Variants in KCNJ6 observed in about 807,000 individuals in gnomAD.
The protein encoded by KCNJ6 is potassium inwardly rectifying channel subfamily J member 6, also known as G protein-activated inward rectifier potassium channel 2.
A neutral mutation model predicts 34.2 loss-of-function variants in KCNJ6; 9 were observed. That is an observed-to-expected ratio of 0.26 (90% confidence interval 0.16 to 0.46). The LOEUF (loss-of-function observed/expected upper bound fraction) is 0.46. Ranked by LOEUF, KCNJ6 falls within the 20% of genes least tolerant of loss-of-function variation. The probability of loss-of-function intolerance (pLI) is 1.00; values close to 1 mark genes in which losing one functional copy is unlikely to be tolerated. For missense variants in KCNJ6, 236 were observed against 531.3 expected (o/e 0.44, Z 5.46); for synonymous variants, 196 against 207.1 (o/e 0.95, Z 0.46).
At chr21:37,818,312 C>T (rs1296695614) in intron 2 of KCNJ6, among the ~76,000 whole-genome samples, 1 of 151,904 alleles carries the variant, frequency 6.6e-6, no homozygotes, top group East Asian at 1.9e-4. Flanking sequence ...AAAACATCTC[C>T]ATGGAAACCA....
intron 2 of KCNJ6, among the ~76,000 whole-genome samples, chr21:37,817,514 T>C (rs189861451): frequency 1.3e-4 from 20 of 152,258 alleles, no homozygotes; most frequent in African/African-American, 4.8e-4. Context: ...AGCTAATGAA[T>C]GGTAGTGTTG....
chr21:37,788,980 G>A (rs548084753), intron 2 of KCNJ6, among the ~76,000 whole-genome samples: 12 of 152,256 alleles, frequency 7.9e-5, no homozygotes, highest in East Asian at 5.8e-4. Context: ...AGTCATCATC[G>A]AAAAGATTGA....
rs1212838486 is a variant in KCNJ6, at chr21:37,616,312, C to T, written c.*8847G>A. 6.6e-6 allele frequency: 1 copy of T among 151,980 alleles called. No individual in the cohort carries two copies. Among genetic ancestry groups the T allele is most frequent in the Non-Finnish European group, 1.5e-5 (1 of 68,034 alleles). The allele number at this position is 151,980 out of a possible 1,614,324, so 9.4% of individuals were successfully genotyped here. ...CTTGGGGAGTCAATCATTTTGGAAT[C>T]CTATGAACTTGTGAGTTCACTGTTG... On this transcript the variant is annotated 3_prime_UTR_variant, in exon 4 of 4. Coordinates refer to ENST00000609713, the MANE Select transcript of KCNJ6 (RefSeq NM_002240.5).
At chr21:37,866,844 T>C (rs896257168) in intron 1 of KCNJ6, among the ~76,000 whole-genome samples, 3 of 152,156 alleles carry the variant, frequency 2.0e-5, no homozygotes, top group African/African-American at 7.2e-5. Flanking sequence ...GCAATGAAGA[T>C]TACTGGATGT....
chr21:37,697,060 G>A (rs1186694563), intron 3 of KCNJ6, among the ~76,000 whole-genome samples: 1 of 152,192 alleles, frequency 6.6e-6, no homozygotes, highest in Non-Finnish European at 1.5e-5. Context: ...ATCTTGACAG[G>A]CTCCCTAAAT....
At chr21:37,688,605 G>A (rs774992177) in intron 3 of KCNJ6, among the ~76,000 whole-genome samples, 3 of 152,036 alleles carry the variant, frequency 2.0e-5, no homozygotes, top group Non-Finnish European at 4.4e-5. Context: ...CCTAACCTTC[G>A]TTTTTCAGCT....
intron 3 of KCNJ6, among the ~76,000 whole-genome samples, chr21:37,708,997 A>C (rs1396541208): frequency 6.6e-6 from 1 of 152,214 alleles, no homozygotes; most frequent in East Asian, 1.9e-4. Context: ...ATGTTCTTCC[A>C]GGGGTATTTT....
chr21:37,718,946 G>A (rs931050023), intron 2 of KCNJ6, among the ~76,000 whole-genome samples: 6 of 152,214 alleles, frequency 3.9e-5, no homozygotes, highest in Admixed American at 1.3e-4. Context: ...AGGTGAGGCC[G>A]TGGGTGCAGG....
At chr21:37,890,511 C>T (rs2055757062) in intron 1 of KCNJ6, among the ~76,000 whole-genome samples, 1 of 152,188 alleles carries the variant, frequency 6.6e-6, no homozygotes, top group South Asian at 2.1e-4. Flanking sequence ...ACATAAAAGA[C>T]TTCTGCTTTC....
chr21:37,839,215 T>A (rs929909500), intron 2 of KCNJ6, among the ~76,000 whole-genome samples: 2 of 152,142 alleles, frequency 1.3e-5, no homozygotes, highest in African/African-American at 4.8e-5. Context: ...ACATTTTCAG[T>A]TTGCAAGACT....
intron 3 of KCNJ6, among the ~76,000 whole-genome samples, chr21:37,667,243 G>A (rs529457818): frequency 4.0e-4 from 58 of 145,000 alleles, no homozygotes; most frequent in Admixed American, 2.9e-3. Flanking sequence ...AACAAGGGCC[G>A]ATGAGTGTGA....
chr21:37,838,016 G>A (rs993956127), intron 2 of KCNJ6, among the ~76,000 whole-genome samples: 3 of 152,158 alleles, frequency 2.0e-5, no homozygotes, highest in Non-Finnish European at 4.4e-5. Flanking sequence ...AATAAACTCG[G>A]ACATTGGGTA....
chr21:37,780,159 A>T (rs1601467796), intron 2 of KCNJ6, among the ~76,000 whole-genome samples: 1 of 151,980 alleles, frequency 6.6e-6, no homozygotes, highest in Non-Finnish European at 1.5e-5. Context: ...CCACAGAAAG[A>T]CCTGGAGGAG....
chr21:37,690,126 T>C (rs753788107), intron 3 of KCNJ6, among the ~76,000 whole-genome samples: 1 of 152,226 alleles, frequency 6.6e-6, no homozygotes, highest in Non-Finnish European at 1.5e-5. Context: ...ACATATGATA[T>C]AATTATTTCA....
In KCNJ6 at chr21:37,695,292, C is replaced by G. The variant is rs1439486257; in HGVS notation, c.946+18919G>C. The stretch of plus-strand genomic sequence containing the variant: ...CCATAAAAGGAAATCAATGGCTAAG[C>G]AAAAGTCCAACTATTCTTAGTGCTG... On this transcript the variant is annotated intron_variant, in intron 3 of 3. Coordinates refer to ENST00000609713, the MANE Select transcript of KCNJ6 (RefSeq NM_002240.5). The surrounding 1 kb of genome is among the most constrained non-coding windows in gnomAD (Gnocchi z 4.2). 6.6e-6 allele frequency among the ~76,000 whole-genome samples: 1 copy of G among 152,192 alleles called. No homozygotes were observed. The highest frequency in any genetic ancestry group is 1.5e-5 in the Non-Finnish European group (1 of 68,036).
intron 2 of KCNJ6, among the ~76,000 whole-genome samples, chr21:37,723,267 A>C (rs2054836176): frequency 6.6e-6 from 1 of 152,206 alleles, no homozygotes; most frequent in South Asian, 2.1e-4. Flanking sequence ...TTAAAAAGTC[A>C]AAAAACAACA....
At chr21:37,723,905 A>C (rs1274169099) in intron 2 of KCNJ6, among the ~76,000 whole-genome samples, 1 of 152,156 alleles carries the variant, frequency 6.6e-6, no homozygotes, top group Non-Finnish European at 1.5e-5. Flanking sequence ...CCTTGAATCT[A>C]AAATACAAAT....
In KCNJ6 at chr21:37,608,624, C is replaced by T. The variant is rs968639273; in HGVS notation, c.*16535G>A. Reference sequence around the variant, plus strand: ...CCTGTCCCTCTTCGTTTAGGTATTTCTAAAACTAGACTCAGTTACTTCACG... The same window carrying T: ...CCTGTCCCTCTTCGTTTAGGTATTTTTAAAACTAGACTCAGTTACTTCACG... On this transcript the variant is annotated 3_prime_UTR_variant, in exon 4 of 4. Transcript: ENST00000609713. The T allele has an allele frequency of 6.6e-6, 1 of 152,206 alleles. No homozygotes were observed. Among genetic ancestry groups the T allele is most frequent in the Admixed American group, 6.5e-5 (1 of 15,274 alleles). The allele number at this position is 152,206 out of a possible 1,614,324, so 9.4% of individuals were successfully genotyped here.
At chr21:37,765,403 C>T (rs1001245354) in intron 2 of KCNJ6, among the ~76,000 whole-genome samples, 13 of 152,158 alleles carry the variant, frequency 8.5e-5, no homozygotes, top group Non-Finnish European at 1.5e-4. Context: ...GGACATTTGG[C>T]AGTATCTGGA....
Sources: gnomAD v4.1 joint callset for allele counts (sites outside exome capture counted in the v4.1 genomes callset) on GRCh38, gnomAD v4.1.1 for gene constraint, Gnocchi (gnomAD v3.1) non-coding constraint, MANE v1.5 for transcripts, NCBI Gene and HGNC (gene_info 2026-07-23, HGNC 2026-07-21) for gene names.